The following TCP11L2 variants were observed in gnomAD, a reference collection of about 807,000 sequenced individuals.
TCP11L2 encodes T-complex protein 11-like protein 2.
In TCP11L2, 39 loss-of-function variants were observed where a neutral mutation model predicts 50.7. The observed-to-expected ratio is 0.77, with a 90% CI of 0.60 to 1.01. The LOEUF (loss-of-function observed/expected upper bound fraction) is 1.01, where lower values mean the gene tolerates loss of function less well. Among genes scored for constraint, TCP11L2 ranks in the 50% least tolerant of loss-of-function variants. TCP11L2 has a pLI of 0.00. For synonymous variants in TCP11L2, 192 were observed against 219.3 expected (o/e 0.88, Z 1.10); for missense variants, 612 against 614.7 (o/e 1.00, Z 0.05).
intron 6 of TCP11L2, among the ~76,000 whole-genome samples, chr12:106,332,751 T>G (rs1332185768): frequency 6.6e-6 from 1 of 152,118 alleles, no homozygotes; most frequent in Admixed American, 6.5e-5. Flanking sequence ...CTCTTTTTTT[T>G]GTCTCCTCTT....
At chr12:106,313,540 A>G (rs1445697971) in intron 2 of TCP11L2, among the ~76,000 whole-genome samples, 1 of 151,792 alleles carries the variant, frequency 6.6e-6, no homozygotes, top group Non-Finnish European at 1.5e-5. Context: ...AGATTGCACC[A>G]CTGCACTCCA....
chr12:106,305,305 C>T (rs1269343361), intron 1 of TCP11L2, among the ~76,000 whole-genome samples: 2 of 152,092 alleles, frequency 1.3e-5, no homozygotes, highest in Non-Finnish European at 2.9e-5. Context: ...TTATTACTAC[C>T]TCAATAATAA....
intron 8 of TCP11L2, among the ~76,000 whole-genome samples, chr12:106,339,981 C>T (rs2036041123): frequency 6.6e-6 from 1 of 152,162 alleles, no homozygotes; most frequent in Non-Finnish European, 1.5e-5. Flanking sequence ...AAATATTAGA[C>T]ACATAGAAGT....
intron 9 of TCP11L2, among the ~76,000 whole-genome samples, chr12:106,345,350 T>C (rs2036200582): frequency 6.6e-6 from 1 of 152,192 alleles, no homozygotes; most frequent in African/African-American, 2.4e-5. Flanking sequence ...TTTAAAATTA[T>C]GCCAGGACAA....
At chr12:106,345,986 G>T (rs1437832910) in intron 9 of TCP11L2, among the ~76,000 whole-genome samples, 1 of 152,148 alleles carries the variant, frequency 6.6e-6, no homozygotes, top group Non-Finnish European at 1.5e-5. Flanking sequence ...GTAGACGGTG[G>T]ACATGAACAA....
chr12:106,322,025 G>A (rs2035358038), intron 5 of TCP11L2, among the ~76,000 whole-genome samples: 1 of 152,220 alleles, frequency 6.6e-6, no homozygotes, highest in Non-Finnish European at 1.5e-5. Context: ...GTGATAAGTG[G>A]AAGGGGAAGT....
In TCP11L2 at chr12:106,318,779, C is replaced by T. The variant is rs182420591; in HGVS notation, c.414+315C>T. Among the ~76,000 whole-genome samples, 156 of 152,290 alleles carry T rather than the reference C, an allele frequency of 1.0e-3. 1 individual carries two copies. In the East Asian group the frequency reaches 0.014, roughly 13 times the overall value. On this transcript the variant is annotated intron_variant, in intron 4 of 9. Coordinates refer to ENST00000299045, the MANE Select transcript of TCP11L2 (RefSeq NM_152772.3). ...AGGCTGGAGTGCGGTGGCACAATCT[C>T]GGCTCACTGCAACCTCTGCCTCCCG...
At position 106,346,306 on chromosome 12, in the gene TCP11L2, A is replaced by G. The variant is rs752125101; in HGVS notation, c.1336A>G (p.Met446Val). The change falls in exon 10 of 10, where the codon ATG becomes GTG. Residue 446 changes from methionine to valine, a missense_variant. By Grantham distance (21) the Met-to-Val change is conservative (BLOSUM62 1). Transcript: ENST00000299045. ...SLIDKRIKLY[M>V]RRLLCLPSPQ... is the part of the protein sequence containing the mutation. ...TTCAGATAAACGAATTAAGCTTTAC[A>G]TGAGAAGGCTACTTTGTCTTCCAAG... 6 of 1,611,404 alleles carry G rather than the reference A, an allele frequency of 3.7e-6. No homozygotes were observed. The highest frequency in any genetic ancestry group is 5.1e-6 in the Non-Finnish European group (6 of 1,178,418).
chr12:106,306,985 A>G (rs1592924302), intron 1 of TCP11L2, among the ~76,000 whole-genome samples: 1 of 152,240 alleles, frequency 6.6e-6, no homozygotes, highest in African/African-American at 2.4e-5. Context: ...AAAGGAAATC[A>G]GGAAGTAAAG....
intron 9 of TCP11L2, among the ~76,000 whole-genome samples, chr12:106,342,078 C>T (rs1026252164): frequency 6.6e-6 from 1 of 152,136 alleles, no homozygotes; most frequent in Non-Finnish European, 1.5e-5. Context: ...CAGTTGTCTA[C>T]TACAGAGGTT....
chr12:106,336,282 A>G (rs2136800568), intron 8 of TCP11L2, 69 bp downstream of exon 8: 5 of 1,406,056 alleles, frequency 3.6e-6, no homozygotes, highest in Non-Finnish European at 4.8e-6. Flanking sequence ...GAGAACAAGA[A>G]TGACCTTGGA....
chr12:106,305,204 A>G (rs2034580065), intron 1 of TCP11L2, among the ~76,000 whole-genome samples: 1 of 152,176 alleles, frequency 6.6e-6, no homozygotes, highest in South Asian at 2.1e-4. Flanking sequence ...TAAAATGGGG[A>G]TAATACTGAT....
At chr12:106,300,153 T>G (rs1365727510), upstream of TCP11L2, among the ~76,000 whole-genome samples, 1 of 151,900 alleles carries the variant, frequency 6.6e-6, no homozygotes, top group African/African-American at 2.4e-5. Context: ...CTAAAGAGGT[T>G]GCCTTTTCAG....
At chr12:106,343,036 A>C (rs2136837125) in intron 9 of TCP11L2, among the ~76,000 whole-genome samples, 1 of 152,272 alleles carries the variant, frequency 6.6e-6, no homozygotes, top group African/African-American at 2.4e-5. Context: ...ATCTCATTCA[A>C]AGTACTGTTG....
intron 2 of TCP11L2, among the ~76,000 whole-genome samples, chr12:106,313,131 C>A (rs2034923949): frequency 6.6e-6 from 1 of 152,084 alleles, no homozygotes; most frequent in Non-Finnish European, 1.5e-5. Flanking sequence ...TTATTGAGTT[C>A]TTACTATCTT....
intron 2 of TCP11L2, chr12:106,312,256 CATT>C (rs145525119): frequency 0.079 from 24,841 of 312,468 alleles, 1,232 homozygotes; most frequent in African/African-American, 0.13. Flanking sequence ...ATTTAGTTTC[CATT>C]TTTTTTTTTT....
intron 8 of TCP11L2, among the ~76,000 whole-genome samples, chr12:106,338,372 T>TTA (rs2035988757): frequency 6.6e-6 from 1 of 152,204 alleles, no homozygotes; most frequent in Admixed American, 6.5e-5. Flanking sequence ...ATGTCCATGT[T>TTA]TACTCAGTGT....
At chr12:106,310,843 C>T (rs2034825076) in intron 1 of TCP11L2, among the ~76,000 whole-genome samples, 198 bp from the exon 2 acceptor site, 1 of 152,224 alleles carries the variant, frequency 6.6e-6, no homozygotes, top group Non-Finnish European at 1.5e-5. Context: ...GCTGTGGAAT[C>T]CCTTTTCAGA....
intron 2 of TCP11L2, chr12:106,312,302 A>C (rs559891817): frequency 1.7e-5 from 9 of 526,946 alleles, no homozygotes; most frequent in Admixed American, 8.4e-5. Flanking sequence ...GTGCTTTATG[A>C]ACATCTTACT....
Sources: allele counts gnomAD v4.1 joint callset (sites outside exome capture counted in the v4.1 genomes callset), GRCh38; gene constraint gnomAD v4.1.1; transcripts MANE v1.5; gene names NCBI Gene and HGNC (gene_info 2026-07-23, HGNC 2026-07-21).